Variants in BPI observed in about 807,000 individuals in gnomAD.
The protein encoded by BPI is bactericidal permeability-increasing protein.
In BPI, 48 loss-of-function variants were observed where a neutral mutation model predicts 57.6. The ratio of observed to expected loss-of-function variants is 0.83; its 90% CI spans 0.66 to 1.06. The LOEUF (loss-of-function observed/expected upper bound fraction) is 1.06, where lower values mean the gene tolerates loss of function less well. BPI is among the 50% of genes least tolerant of loss of function. BPI has a pLI of 0.00. For synonymous variants in BPI, 237 were observed against 238.2 expected, an observed-to-expected ratio of 0.99 and a Z score of 0.05; for missense variants, 651 against 609.7, an observed-to-expected ratio of 1.07 and a Z score of -0.71.
chr20:38,328,092 C>T (rs1189495107), intron 11 of BPI, among the ~76,000 whole-genome samples: 1 of 152,206 alleles, frequency 6.6e-6, no homozygotes, highest in Non-Finnish European at 1.5e-5. Context: ...ACTTTAACCA[C>T]CATCCTCTGC....
Position 38,320,222 on chromosome 20 carries a change from G to T in BPI, c.704G>T (p.Gly235Val), listed in dbSNP as rs761703238. 5 of 1,613,902 alleles carry T rather than the reference G, an allele frequency of 3.1e-6. No individual in the cohort carries two copies. Among genetic ancestry groups the T allele is most frequent in the Non-Finnish European group, 4.2e-6 (5 of 1,180,008 alleles). ...GATTCTGTGGCTGGAATCAACTATG[G>T]TCTGGTGGCACCTCCAGCAACCACG... Reference protein sequence around the residue: ...KIDSVAGINYGLVAPPATTAE... With the variant: ...KIDSVAGINYVLVAPPATTAE... Residue 235 changes from glycine to valine, a missense_variant, in exon 7 of 15, where the codon GGT becomes GTT. Gly to Val is a moderately radical substitution (Grantham distance 109, BLOSUM62 -3). Coordinates refer to ENST00000642449, the MANE Select transcript of BPI (RefSeq NM_001725.3).
intron 11 of BPI, among the ~76,000 whole-genome samples, chr20:38,327,971 C>T (rs989714868): frequency 1.3e-5 from 2 of 152,138 alleles, no homozygotes; most frequent in Non-Finnish European, 1.5e-5. Flanking sequence ...GGCTGGGAGG[C>T]GTCAGCTGAT....
chr20:38,324,081 A>G, intron 8 of BPI, 35 bp downstream of exon 8: 1 of 1,604,520 alleles, frequency 6.2e-7, no homozygotes, highest in Non-Finnish European at 8.5e-7. Context: ...TGGGAAGAGC[A>G]CTGGACCCAG....
intron 5 of BPI, chr20:38,317,787 A>T: frequency 7.0e-7 from 1 of 1,436,518 alleles, no homozygotes; most frequent in Non-Finnish European, 9.6e-7. Context: ...GGTCTAGATA[A>T]ATGGAACAAC....
chr20:38,304,337 G>C lies in BPI; in HGVS notation c.114G>C (p.Gln38His). The C allele has an allele frequency of 6.2e-7, 1 of 1,613,762 alleles. No individual in the cohort carries two copies. Among genetic ancestry groups the C allele is most frequent in the Non-Finnish European group, 8.5e-7 (1 of 1,180,026 alleles). Residue 38 changes from glutamine to histidine, a missense_variant, in exon 1 of 15, where the codon CAG becomes CAC. Coordinates refer to ENST00000642449, the MANE Select transcript of BPI (RefSeq NM_001725.3). ...VNPGVVVRIS[Q>H]KGLDYASQQG... ...CTGGCGTCGTGGTCAGGATCTCCCA[G>C]AAGGGCCTGGACTACGGTAACTGGA...
intron 1 of BPI, among the ~76,000 whole-genome samples, chr20:38,307,013 A>C (rs1463206594): frequency 6.6e-6 from 1 of 152,054 alleles, no homozygotes; most frequent in East Asian, 1.9e-4. Context: ...GAAACCCCAG[A>C]TCTCTGCAAA....
rs569422843 is a variant in BPI, at chr20:38,311,634, G to C, written c.537-240G>C. On this transcript the variant is annotated intron_variant, in intron 4 of 14. Transcript: ENST00000642449. ...CTAGTGTGCAGCAAGGGAGGGGACTGGTAAGGAATGAGACTGGGACGGGGG... is the reference window on the plus strand; with the variant it reads ...CTAGTGTGCAGCAAGGGAGGGGACTCGTAAGGAATGAGACTGGGACGGGGG... Among the ~76,000 whole-genome samples the C allele has an allele frequency of 7.3e-4, 111 of 152,262 alleles. 1 individual carries two copies. Among genetic ancestry groups the C allele is most frequent in the African/African-American group, 2.6e-3 (110 of 41,554 alleles).
chr20:38,326,522 T>A, intron 10 of BPI, 90 bp downstream of exon 10: 2 of 1,401,550 alleles, frequency 1.4e-6, no homozygotes, highest in South Asian at 1.5e-5. Context: ...GAATCCTGTC[T>A]GGATTCAAAC....
rs1463991580 is a variant in BPI at position 38,329,027 on chromosome 20, A to AAATAAATG, written c.1229+1378_1229+1379insTGAATAAA. ...TCTCTAAATAAATAAATAAATAAAT[A>AAATAAATG]AATAAACAAATAGATTTTTAAAAGT... On this transcript the variant is annotated intron_variant, in intron 11 of 14. Coordinates refer to ENST00000642449, the MANE Select transcript of BPI (RefSeq NM_001725.3). Among the ~76,000 whole-genome samples the AAATAAATG allele has an allele frequency of 3.9e-5, 6 of 152,130 alleles. No homozygotes were observed. In the East Asian group the frequency reaches 1.2e-3, roughly 29 times the overall value.
intron 7 of BPI, among the ~76,000 whole-genome samples, chr20:38,322,877 TG>T (rs1244045360): frequency 1.3e-5 from 2 of 152,228 alleles, no homozygotes; most frequent in Admixed American, 1.3e-4. Context: ...CCCAAAATGC[TG>T]GGATTACAGG....
At chr20:38,324,923 A>T in intron 9 of BPI, 90 bp downstream of exon 9, 1 of 1,006,050 alleles carries the variant, frequency 9.9e-7, no homozygotes, top group African/African-American at 1.6e-5. Flanking sequence ...CCTCCACCCA[A>T]CATAACACAC....
intron 10 of BPI, 171 bp downstream of exon 10, chr20:38,326,603 C>A: frequency 1.4e-6 from 1 of 701,558 alleles, no homozygotes; most frequent in Non-Finnish European, 2.1e-6. Flanking sequence ...TGGAGGTATT[C>A]ATTCACCCAG....
Position 38,311,198 on chromosome 20 carries a change from AG to A in BPI, c.536+548del, listed in dbSNP as rs1190114287. 3.9e-5 allele frequency among the ~76,000 whole-genome samples: 6 copies of A among 152,224 alleles called. No individual in the cohort carries two copies. In the East Asian group the frequency reaches 1.2e-3, roughly 29 times the overall value. On this transcript the variant is annotated intron_variant, in intron 4 of 14. Coordinates refer to ENST00000642449, the MANE Select transcript of BPI (RefSeq NM_001725.3). Reference sequence around the variant, plus strand: ...GGAGAAAACCAAGGCATGGAGAGATAGGCAATAACTTAAGTTGCTACAGCTA... The same window carrying A: ...GGAGAAAACCAAGGCATGGAGAGATAGCAATAACTTAAGTTGCTACAGCTA...
In BPI at chr20:38,336,923, G is replaced by A. The variant is rs532648644; in HGVS notation, c.1414-223G>A. ...CAGCCCGGGGGGTCTCCGTGTCTAAGAAGGAGGCAGCTTCCAGGGAAGCTG... is the reference window on the plus strand; with the variant it reads ...CAGCCCGGGGGGTCTCCGTGTCTAAAAAGGAGGCAGCTTCCAGGGAAGCTG... On this transcript the variant is annotated intron_variant, in intron 14 of 14. Coordinates refer to ENST00000642449, the MANE Select transcript of BPI (RefSeq NM_001725.3). Among the ~76,000 whole-genome samples, 34 of 152,256 alleles carry A rather than the reference G, an allele frequency of 2.2e-4. 1 individual carries two copies. The South Asian group carries it at 5.6e-3, about 25-fold the overall frequency.
Position 38,324,023 on chromosome 20 carries a change from A to G in BPI, c.910A>G (p.Lys304Glu), listed in dbSNP as rs5743513. The change falls in exon 8 of 15, where the codon AAG (lysine) becomes GAG (glutamate). Residue 304 changes from lysine (K) to glutamate (E), a missense_variant. Physicochemically the swap from Lys to Glu is moderately conservative, Grantham distance 56. Transcript: ENST00000642449. Reference sequence around the variant, plus strand: ...TGTATACCAAGAGGCTGGGGTCTTGAAGATGACCCTTAGAGATGACATGGT... The same window carrying G: ...TGTATACCAAGAGGCTGGGGTCTTGGAGATGACCCTTAGAGATGACATGGT... Reference protein sequence around the residue: ...GLVYQEAGVLKMTLRDDMIPK... With the variant: ...GLVYQEAGVLEMTLRDDMIPK... The G allele has an allele frequency of 1.2e-6, 2 of 1,614,004 alleles. No individual in the cohort carries two copies. The highest frequency in any genetic ancestry group is 2.2e-5 in the South Asian group (2 of 91,066).
chr20:38,331,895 A>G lies in BPI; in HGVS notation c.1272+805A>G, dbSNP rs2076744569. 2.0e-5 allele frequency among the ~76,000 whole-genome samples: 3 copies of G among 151,952 alleles called. No individual in the cohort carries two copies. In the South Asian group the frequency reaches 6.2e-4, roughly 32 times the overall value. ...GATCGTTTCAGTCACAATCAAAGCT[A>G]TAAAAACCAAAGCGGGGATGGGCGG... On this transcript the variant is annotated intron_variant, in intron 12 of 14. Transcript: ENST00000642449.
chr20:38,326,118 G>A (rs1045368572), intron 9 of BPI, 147 bp from the exon 10 acceptor site: 3 of 855,044 alleles, frequency 3.5e-6, no homozygotes, highest in Admixed American at 3.2e-5. Flanking sequence ...CAGGGTGCCA[G>A]CTGGCAGACT....
In BPI at chr20:38,307,669, A is replaced by G. The variant is rs781678892; in HGVS notation, c.233A>G (p.Tyr78Cys). 1.4e-5 allele frequency: 22 copies of G among 1,610,724 alleles called. No individual in the cohort carries two copies. In the Admixed American group the frequency reaches 3.7e-4, roughly 27 times the overall value. ...ATCAAGCATCTTGGGAAGGGGCATT[A>G]TAGCTTCTACAGGTGAGGCCTATCA... Reference protein sequence around the residue: ...FKIKHLGKGHYSFYSMDIREF... With the variant: ...FKIKHLGKGHCSFYSMDIREF... The change falls in exon 2 of 15, where the codon TAT (tyrosine) becomes TGT (cysteine). Residue 78 changes from tyrosine to cysteine, a missense_variant. By Grantham distance (194) the Tyr-to-Cys change is radical (BLOSUM62 -2). Coordinates refer to ENST00000642449, the MANE Select transcript of BPI (RefSeq NM_001725.3).
chr20:38,330,615 G>T (rs1020163519), intron 11 of BPI, among the ~76,000 whole-genome samples: 1 of 152,206 alleles, frequency 6.6e-6, no homozygotes, highest in Admixed American at 6.5e-5. Context: ...GCTATCCTCT[G>T]TGCTGGCTTC....
Sources: allele counts gnomAD v4.1 joint callset (sites outside exome capture counted in the v4.1 genomes callset), GRCh38; gene constraint gnomAD v4.1.1; transcripts MANE v1.5; gene names NCBI Gene and HGNC (gene_info 2026-07-23, HGNC 2026-07-21).